Variants in SORCS1 observed in about 807,000 individuals in gnomAD.
SORCS1 encodes sortilin related VPS10 domain containing receptor 1, also known as VPS10 domain-containing receptor SorCS1.
SORCS1 carries 60 observed loss-of-function variants against 146.1 expected under a neutral mutation model. The observed-to-expected ratio is 0.41, with a 90% CI of 0.33 to 0.51. SORCS1 has a LOEUF of 0.51. Ranked by LOEUF, SORCS1 falls within the 20% of genes least tolerant of loss-of-function variation. The probability of loss-of-function intolerance (pLI) is 0.21; values close to 1 mark genes in which losing one functional copy is unlikely to be tolerated. For missense variants in SORCS1, 1,352 were observed against 1,487.6 expected, an observed-to-expected ratio of 0.91 and a Z score of 1.50; for synonymous variants, 637 against 584.0, an observed-to-expected ratio of 1.09 and a Z score of -1.31.
intron 2 of SORCS1, among the ~76,000 whole-genome samples, chr10:106,864,214 G>A (rs1950142302): frequency 6.6e-6 from 1 of 152,136 alleles, no homozygotes; most frequent in Admixed American, 6.5e-5. Context: ...TGCTCACATT[G>A]GGACTAATCA....
chr10:106,742,300 T>A (rs578258934), intron 5 of SORCS1, among the ~76,000 whole-genome samples: 2 of 152,346 alleles, frequency 1.3e-5, no homozygotes, highest in East Asian at 3.9e-4. Context: ...TACTGAGATA[T>A]CTTAGGGATG....
chr10:107,128,392 G>A (rs1019183564), intron 1 of SORCS1, among the ~76,000 whole-genome samples: 5 of 152,134 alleles, frequency 3.3e-5, no homozygotes, highest in South Asian at 2.1e-4. Context: ...TTTCACAGTC[G>A]CTGGGCAAGG....
intron 23 of SORCS1, among the ~76,000 whole-genome samples, chr10:106,602,837 G>T (rs1846334632): frequency 6.6e-6 from 1 of 151,956 alleles, no homozygotes; most frequent in African/African-American, 2.4e-5. Context: ...CAAAATGTGT[G>T]GATATACAGA....
At chr10:107,124,086 C>CAA (rs58402182) in intron 1 of SORCS1, among the ~76,000 whole-genome samples, 6 of 72,338 alleles carry the variant, frequency 8.3e-5, no homozygotes, top group Admixed American at 1.7e-4. Flanking sequence ...GACTTCGTCT[C>CAA]AAAAAAAAAA....
intron 3 of SORCS1, among the ~76,000 whole-genome samples, chr10:106,781,176 T>A (rs930728030): frequency 2.6e-5 from 4 of 152,134 alleles, no homozygotes; most frequent in African/African-American, 9.7e-5. Flanking sequence ...CTGCTACTAT[T>A]TAGTTTTCCA....
intron 3 of SORCS1, among the ~76,000 whole-genome samples, chr10:106,799,719 A>T (rs1335036959): frequency 6.6e-6 from 1 of 152,240 alleles, no homozygotes; most frequent in Admixed American, 6.5e-5. Flanking sequence ...ATCATTAAAA[A>T]GTCAGGAAAC....
At chr10:106,722,716 C>A (rs11193024) in intron 6 of SORCS1, among the ~76,000 whole-genome samples, 2 of 152,054 alleles carry the variant, frequency 1.3e-5, no homozygotes, top group African/African-American at 4.8e-5. Flanking sequence ...ATTCAGGTTG[C>A]GGGTTGGGCC....
At chr10:106,998,146 A>G (rs1362857718) in intron 1 of SORCS1, among the ~76,000 whole-genome samples, 3 of 152,234 alleles carry the variant, frequency 2.0e-5, no homozygotes, top group African/African-American at 4.8e-5. Context: ...ATACATTCAC[A>G]TGTTTATATC....
chr10:107,129,221 G>T (rs1397214171), intron 1 of SORCS1, among the ~76,000 whole-genome samples: 1 of 152,202 alleles, frequency 6.6e-6, no homozygotes, highest in Admixed American at 6.5e-5. Flanking sequence ...ATAAGCAAAT[G>T]AATGGTCTTG....
intron 1 of SORCS1, among the ~76,000 whole-genome samples, chr10:106,987,064 G>C (rs1158175645): frequency 6.6e-6 from 1 of 152,126 alleles, no homozygotes. Context: ...ATGTTGCAGG[G>C]AACTGGATCT....
chr10:106,650,239 C>T (rs1849757970), intron 18 of SORCS1, among the ~76,000 whole-genome samples: 1 of 152,198 alleles, frequency 6.6e-6, no homozygotes, highest in African/African-American at 2.4e-5. Context: ...GAGAGTCACT[C>T]TAATCGATTC....
intron 2 of SORCS1, among the ~76,000 whole-genome samples, chr10:106,920,765 G>A (rs780017529): frequency 9.2e-5 from 14 of 152,140 alleles, no homozygotes; most frequent in Admixed American, 2.0e-4. Flanking sequence ...TCTTGGGTGC[G>A]CTCTTTAGAA....
chr10:106,819,496 G>T (rs1947909884), intron 3 of SORCS1, among the ~76,000 whole-genome samples: 1 of 152,170 alleles, frequency 6.6e-6, no homozygotes, highest in African/African-American at 2.4e-5. Flanking sequence ...GTTGGTATAC[G>T]TGACGAGTGC....
chr10:106,624,416 A>C (rs1847960111), intron 19 of SORCS1, among the ~76,000 whole-genome samples: 1 of 129,902 alleles, frequency 7.7e-6, no homozygotes, highest in Non-Finnish European at 1.5e-5. Context: ...ACTGGAGTGC[A>C]GTGGCACGAT....
chr10:106,588,810 G>C (rs1042548227), intron 24 of SORCS1, among the ~76,000 whole-genome samples: 1 of 129,128 alleles, frequency 7.7e-6, no homozygotes, highest in East Asian at 2.4e-4. Context: ...GCAGTGAGCC[G>C]AGATCACGCC....
intron 2 of SORCS1, among the ~76,000 whole-genome samples, chr10:106,889,742 A>G (rs912024127): frequency 8.5e-5 from 13 of 152,178 alleles, no homozygotes; most frequent in African/African-American, 3.1e-4. Context: ...TACTAAAAGT[A>G]CAAATAAATT....
chr10:106,713,418 T>C (rs891735058), intron 6 of SORCS1, among the ~76,000 whole-genome samples: 1 of 152,246 alleles, frequency 6.6e-6, no homozygotes, highest in African/African-American at 2.4e-5. Flanking sequence ...TTTATTTGTA[T>C]TAGTGTCTGA....
At chr10:107,031,674 G>A (rs1194863855) in intron 1 of SORCS1, among the ~76,000 whole-genome samples, 2 of 151,380 alleles carry the variant, frequency 1.3e-5, no homozygotes, top group African/African-American at 2.4e-5. Context: ...CACAATCATA[G>A]TGCACTACAG....
intron 1 of SORCS1, among the ~76,000 whole-genome samples, chr10:107,029,484 A>G (rs1469873147): frequency 1.3e-5 from 2 of 152,186 alleles, no homozygotes; most frequent in Admixed American, 1.3e-4. Flanking sequence ...CTCCATAACC[A>G]CAGTGTGTAG....
Sources: allele counts gnomAD v4.1 joint callset (sites outside exome capture counted in the v4.1 genomes callset), GRCh38; gene constraint gnomAD v4.1.1; transcripts MANE v1.5; gene names NCBI Gene and HGNC (gene_info 2026-07-23, HGNC 2026-07-21).